SYNE1: variants seen among roughly 807,000 people sequenced by gnomAD.
The protein encoded by SYNE1 is spectrin repeat containing nuclear envelope protein 1, also known as nesprin-1.
Under a neutral mutation model 1,111.0 loss-of-function variants are expected in SYNE1, and 616 were observed. The observed-to-expected ratio is 0.55, with a 90% CI of 0.52 to 0.59. SYNE1 has a LOEUF of 0.59. SYNE1 is among the 20% of genes least tolerant of loss of function. The probability of loss-of-function intolerance (pLI) is 0.00; values close to 1 mark genes in which losing one functional copy is unlikely to be tolerated. For missense variants in SYNE1, 10,006 were observed against 10,417.0 expected (o/e 0.96, Z 1.72); for synonymous variants, 3,855 against 3,825.8 (o/e 1.01, Z -0.28).
chr6:152,470,474 A>G (rs1268999762), intron 16 of SYNE1, among the ~76,000 whole-genome samples: 2 of 152,194 alleles, frequency 1.3e-5, no homozygotes, highest in East Asian at 1.9e-4. Flanking sequence ...CAAAACAACT[A>G]AAAATGAGTA....
In SYNE1 at chr6:152,326,463, C is replaced by T; in HGVS notation, c.15126G>A (p.Glu5042=). Residue 5042 remains glutamate (E), a synonymous_variant, in exon 79 of 146, where the codon GAG becomes GAA. Transcript: ENST00000367255. ...LKSHMEFFST[E]DQFHSNLEEL... ...CCTCCAGGTTACTATGGAACTGATC[C>T]TCTGTACTGAAAAATTCCATGTGGC... The T allele has an allele frequency of 1.2e-6, 2 of 1,614,160 alleles. No individual in the cohort carries two copies. The highest frequency in any genetic ancestry group is 1.7e-6 in the Non-Finnish European group (2 of 1,180,034).
chr6:152,234,061 TC>T, intron 111 of SYNE1, 98 bp from the exon 112 acceptor site: 1 of 1,251,872 alleles, frequency 8.0e-7, no homozygotes, highest in Non-Finnish European at 1.1e-6. Context: ...TTCCTTTACA[TC>T]CTGGAGGGGG....
chr6:152,425,296 A>C, intron 39 of SYNE1, 85 bp downstream of exon 39: 1 of 1,461,358 alleles, frequency 6.8e-7, no homozygotes, highest in Non-Finnish European at 9.4e-7. Context: ...AAATAAAAGT[A>C]AACAAAACTA....
chr6:152,277,062 TG>T (rs2093675808), intron 98 of SYNE1, among the ~76,000 whole-genome samples: 1 of 150,998 alleles, frequency 6.6e-6, no homozygotes, highest in Admixed American at 6.6e-5. Flanking sequence ...GGCTAATTTT[TG>T]GTATTTTTAT....
chr6:152,243,440 C>T (rs768831849), intron 106 of SYNE1, among the ~76,000 whole-genome samples: 1 of 152,112 alleles, frequency 6.6e-6, no homozygotes, highest in Non-Finnish European at 1.5e-5. Context: ...ACACCAAACA[C>T]AAAATTTATT....
chr6:152,263,952 C>T lies in SYNE1; in HGVS notation c.18816-1764G>A, dbSNP rs367615398. On this transcript the variant is annotated intron_variant, in intron 100 of 145. Transcript: ENST00000367255. ...CGAAAATGGGCTGGGTGTGGTGGCTCATGCCCAGCACTTTGGGAGGCCAAG... is the reference window on the plus strand; with the variant it reads ...CGAAAATGGGCTGGGTGTGGTGGCTTATGCCCAGCACTTTGGGAGGCCAAG... 9.2e-5 allele frequency among the ~76,000 whole-genome samples: 14 copies of T among 151,934 alleles called. No homozygotes were observed. In the East Asian group the frequency reaches 2.6e-3, roughly 28 times the overall value.
chr6:152,445,182 C>T (rs990128138), intron 29 of SYNE1, among the ~76,000 whole-genome samples: 1 of 151,594 alleles, frequency 6.6e-6, no homozygotes, highest in Admixed American at 6.6e-5. Context: ...ATTATAATTG[C>T]GTGACTAAAA....
At position 152,391,580 on chromosome 6, in the gene SYNE1, G is replaced by GAA. The variant is rs756232172; in HGVS notation, c.7713-14_7713-13dup. On this transcript the variant is annotated splice_polypyrimidine_tract_variant and intron_variant, in intron 51 of 145. Transcript: ENST00000367255. ...TATCAAGAGACTCTCTGAAAAAAAGGAAAAAAAAAAAAAAGAAAAAAAATT... is the reference window on the plus strand; with the variant it reads ...TATCAAGAGACTCTCTGAAAAAAAGGAAAAAAAAAAAAAAAAGAAAAAAAATT... 8.1e-4 allele frequency: 1,082 copies of GAA among 1,336,564 alleles called. 2 individuals carry two copies. The highest frequency in any genetic ancestry group is 1.5e-3 in the African/African-American group (77 of 52,930). The allele number at this position is 1,336,564 out of a possible 1,614,324, so 82.8% of individuals were successfully genotyped here.
At chr6:152,527,738 A>G (rs1390538857) in intron 4 of SYNE1, among the ~76,000 whole-genome samples, 1 of 152,232 alleles carries the variant, frequency 6.6e-6, no homozygotes, top group Non-Finnish European at 1.5e-5. Context: ...ATATGCAAAA[A>G]GTAAGGAAAG....
intron 56 of SYNE1, 123 bp from the exon 57 acceptor site, chr6:152,377,035 T>A (rs2097293983): frequency 2.4e-6 from 3 of 1,263,514 alleles, no homozygotes; most frequent in Non-Finnish European, 3.3e-6. Flanking sequence ...CATGGTAGAT[T>A]CAATGAAGAA....
chr6:152,611,322 C>CA (rs138835689), intron 3 of SYNE1, among the ~76,000 whole-genome samples: 4 of 151,340 alleles, frequency 2.6e-5, no homozygotes, highest in East Asian at 1.9e-4. Context: ...AAATGGAAAG[C>CA]AAAAAAAAAG....
intron 98 of SYNE1, among the ~76,000 whole-genome samples, chr6:152,275,626 T>C (rs1283211317): frequency 1.3e-5 from 2 of 152,124 alleles, no homozygotes; most frequent in Non-Finnish European, 2.9e-5. Context: ...ACGCCTATAA[T>C]CTCAGCACTT....
At chr6:152,371,809 A>G (rs1395039632) in intron 59 of SYNE1, among the ~76,000 whole-genome samples, 1 of 146,742 alleles carries the variant, frequency 6.8e-6, no homozygotes, top group Non-Finnish European at 1.5e-5. Flanking sequence ...AAAGGAAAGG[A>G]TAAGAAAGGA....
At chr6:152,477,111 T>C (rs944574988) in intron 14 of SYNE1, among the ~76,000 whole-genome samples, 1 of 152,080 alleles carries the variant, frequency 6.6e-6, no homozygotes, top group Non-Finnish European at 1.5e-5. Flanking sequence ...TTAGAAAGTA[T>C]GCATTATCAA....
At chr6:152,409,040 T>C in intron 44 of SYNE1, 28 bp downstream of exon 44, 1 of 1,610,886 alleles carries the variant, frequency 6.2e-7, no homozygotes, top group Non-Finnish European at 8.5e-7. Flanking sequence ...ATTTAAATAG[T>C]TCACAGAATC....
chr6:152,537,811 C>T (rs1416354147), intron 4 of SYNE1, among the ~76,000 whole-genome samples: 1 of 152,174 alleles, frequency 6.6e-6, no homozygotes, highest in Non-Finnish European at 1.5e-5. Flanking sequence ...GCTCCCAGTG[C>T]TCCCAAGATA....
chr6:152,323,424 G>A (rs2095943397), intron 82 of SYNE1, 54 bp downstream of exon 82: 1 of 1,599,470 alleles, frequency 6.3e-7, no homozygotes, highest in Non-Finnish European at 8.5e-7. Flanking sequence ...GGGCGACAGA[G>A]CGAGACTCCA....
intron 75 of SYNE1, among the ~76,000 whole-genome samples, chr6:152,338,761 A>G (rs552681271): frequency 9.3e-4 from 141 of 152,312 alleles, no homozygotes; most frequent in African/African-American, 3.3e-3. Flanking sequence ...AGCTCATCAT[A>G]GCCCAGACAG....
chr6:152,249,996 G>A (rs2088638667), intron 104 of SYNE1, among the ~76,000 whole-genome samples: 1 of 152,106 alleles, frequency 6.6e-6, no homozygotes, highest in Non-Finnish European at 1.5e-5. Context: ...GCCAGGTGCA[G>A]TGGTTCATCT....
Sources: gnomAD v4.1 joint callset for allele counts (sites outside exome capture counted in the v4.1 genomes callset) on GRCh38, gnomAD v4.1.1 for gene constraint, MANE v1.5 for transcripts, NCBI Gene and HGNC (gene_info 2026-07-23, HGNC 2026-07-21) for gene names.